HS3ST4: variants seen among roughly 807,000 people sequenced by gnomAD.
The protein encoded by HS3ST4 is heparan sulfate-glucosamine 3-sulfotransferase 4.
Under a neutral mutation model 29.2 loss-of-function variants are expected in HS3ST4, and 17 were observed. The ratio of observed to expected loss-of-function variants is 0.58; its 90% confidence interval spans 0.40 to 0.87. HS3ST4 has a LOEUF of 0.87. HS3ST4 is among the 40% of genes least tolerant of loss of function. The pLI is 0.00. For synonymous variants in HS3ST4, 314 were observed against 285.7 expected (o/e 1.10, Z -1.00); for missense variants, 627 against 634.5 (o/e 0.99, Z 0.13).
chr16:25,839,023 A>G (rs1474642266), intron 1 of HS3ST4, among the ~76,000 whole-genome samples: 1 of 152,212 alleles, frequency 6.6e-6, no homozygotes, highest in African/African-American at 2.4e-5. Context: ...TGAAGTTGTC[A>G]GATAACCATC....
intron 1 of HS3ST4, among the ~76,000 whole-genome samples, chr16:25,874,594 T>A (rs1967809759): frequency 6.6e-6 from 1 of 152,144 alleles, no homozygotes; most frequent in Non-Finnish European, 1.5e-5. Flanking sequence ...CATCAACTCA[T>A]CCAGCTATCC....
chr16:25,709,964 C>G (rs1194212517), intron 1 of HS3ST4, among the ~76,000 whole-genome samples: 3 of 151,948 alleles, frequency 2.0e-5, no homozygotes, highest in African/African-American at 2.4e-5. Flanking sequence ...GTCTTCCTGC[C>G]CGGATTCGCT....
chr16:26,100,418 C>T (rs1031626153), intron 1 of HS3ST4, among the ~76,000 whole-genome samples: 1 of 152,206 alleles, frequency 6.6e-6, no homozygotes, highest in Non-Finnish European at 1.5e-5. Flanking sequence ...TGGGTCAAGT[C>T]TGCACATCCT....
At position 26,137,506 on chromosome 16, in the gene HS3ST4, C is replaced by A. The variant is rs1318546219; in HGVS notation, c.*1258C>A. ...AGTGTCCCTTCCCATCAGTTTGATT[C>A]AATTAAAATGCATCATTTGACATAA... On this transcript the variant is annotated 3_prime_UTR_variant, in exon 2 of 2. Coordinates refer to ENST00000331351, the MANE Select transcript of HS3ST4 (RefSeq NM_006040.3). 6.6e-6 allele frequency: 1 copy of A among 152,102 alleles called. No homozygotes were observed. The highest frequency in any genetic ancestry group is 1.5e-5 in the Non-Finnish European group (1 of 68,010). The allele number at this position is 152,102 out of a possible 1,614,324, so 9.4% of individuals were successfully genotyped here.
chr16:26,089,879 A>C (rs139565331), intron 1 of HS3ST4, among the ~76,000 whole-genome samples: 13 of 152,296 alleles, frequency 8.5e-5, no homozygotes, highest in Non-Finnish European at 1.5e-4. Context: ...TCTGTGCTTG[A>C]ATCTTCTGTA....
At chr16:25,799,403 A>G (rs1370377369) in intron 1 of HS3ST4, among the ~76,000 whole-genome samples, 1 of 152,248 alleles carries the variant, frequency 6.6e-6, no homozygotes, top group Non-Finnish European at 1.5e-5. Flanking sequence ...CCCAAGTAAT[A>G]TATAATCTTC....
intron 1 of HS3ST4, among the ~76,000 whole-genome samples, chr16:25,830,677 T>C (rs192215400): frequency 2.4e-4 from 37 of 152,306 alleles, no homozygotes; most frequent in African/African-American, 7.9e-4. Context: ...GGAGTTAGTC[T>C]TGATTCTTTC....
chr16:25,714,407 C>T (rs186216608), intron 1 of HS3ST4, among the ~76,000 whole-genome samples: 14 of 152,294 alleles, frequency 9.2e-5, no homozygotes, highest in African/African-American at 1.7e-4. Context: ...AGAGTGAACA[C>T]GGCTGCTGAT....
chr16:25,749,666 C>G (rs1966707031), intron 1 of HS3ST4, among the ~76,000 whole-genome samples: 1 of 152,148 alleles, frequency 6.6e-6, no homozygotes, highest in Admixed American at 6.6e-5. Flanking sequence ...CTCAGTTTCC[C>G]ATTTGTAAAA....
intron 1 of HS3ST4, among the ~76,000 whole-genome samples, chr16:25,731,541 A>G (rs909341093): frequency 9.3e-5 from 14 of 150,718 alleles, no homozygotes; most frequent in Non-Finnish European, 1.5e-4. Flanking sequence ...GAGTCTTGCT[A>G]TGTTGCCCAG....
chr16:25,719,763 A>G (rs2141588968), intron 1 of HS3ST4, among the ~76,000 whole-genome samples: 1 of 152,332 alleles, frequency 6.6e-6, no homozygotes, highest in African/African-American at 2.4e-5. Flanking sequence ...CTTCCAGAAG[A>G]CCACAGTATA....
intron 1 of HS3ST4, among the ~76,000 whole-genome samples, chr16:25,722,085 CAG>C (rs1966501237): frequency 6.6e-6 from 1 of 152,176 alleles, no homozygotes; most frequent in South Asian, 2.1e-4. Flanking sequence ...GTAGCCCATT[CAG>C]GAAACTTCCA....
In HS3ST4 at chr16:25,897,989, T is replaced by C. The variant is rs1372230097; in HGVS notation, c.734+204838T>C. Among the ~76,000 whole-genome samples, 4 of 152,292 alleles carry C rather than the reference T, an allele frequency of 2.6e-5. No homozygotes were observed. In the South Asian group the frequency reaches 8.3e-4, roughly 32 times the overall value. ...TTTATGTGTGTGTGCACTGCGTTCATCTGAGTAGATCCGCGCAGGCGAGCC... is the reference window on the plus strand; with the variant it reads ...TTTATGTGTGTGTGCACTGCGTTCACCTGAGTAGATCCGCGCAGGCGAGCC... On this transcript the variant is annotated intron_variant, in intron 1 of 1. Transcript: ENST00000331351.
chr16:25,869,290 A>G (rs1182740564), intron 1 of HS3ST4, among the ~76,000 whole-genome samples: 4 of 151,942 alleles, frequency 2.6e-5, no homozygotes, highest in African/African-American at 4.8e-5. Context: ...TCTGTTAAAT[A>G]ATATCACTTT....
rs1008346676 is a variant in HS3ST4 at position 26,136,060 on chromosome 16, C to T, written c.1183C>T (p.Pro395Ser). 6 of 1,613,818 alleles carry T rather than the reference C, an allele frequency of 3.7e-6. No individual in the cohort carries two copies. The highest frequency in any genetic ancestry group is 5.1e-6 in the Non-Finnish European group (6 of 1,179,824). Residue 395 changes from proline to serine, a missense_variant, in exon 2 of 2, where the codon CCT (proline) becomes TCT (serine). This residue lies in a region of HS3ST4 where 225 missense variants were observed against 293.7 expected (regional missense o/e 0.77). Coordinates refer to ENST00000331351, the MANE Select transcript of HS3ST4 (RefSeq NM_006040.3). ...HFYFNKTKGF[P>S]CLKKPEDSSA... is the part of the protein sequence containing the mutation. The stretch of plus-strand genomic sequence containing the variant: ...CTATTTCAACAAAACCAAGGGGTTC[C>T]CTTGCCTAAAGAAGCCAGAAGACAG...
intron 1 of HS3ST4, among the ~76,000 whole-genome samples, chr16:25,746,506 G>T (rs1451287490): frequency 6.6e-6 from 1 of 151,794 alleles, no homozygotes. Context: ...CAGAAAGAAG[G>T]CGATAAAACT....
chr16:26,046,504 C>A (rs1898269375), intron 1 of HS3ST4, among the ~76,000 whole-genome samples: 2 of 152,056 alleles, frequency 1.3e-5, no homozygotes, highest in African/African-American at 4.8e-5. Flanking sequence ...GTCTGTAGAT[C>A]CATCTTTATT....
Position 26,044,318 on chromosome 16 carries a change from C to T in HS3ST4, c.735-91294C>T, listed in dbSNP as rs145264875. On this transcript the variant is annotated intron_variant, in intron 1 of 1. Coordinates refer to ENST00000331351, the MANE Select transcript of HS3ST4 (RefSeq NM_006040.3). The stretch of plus-strand genomic sequence containing the variant: ...GGAAGAGAGAGGGAGGAGGAAAAGA[C>T]GGAAGCCGTGGAGTTTTCAGCCCCA... Among the ~76,000 whole-genome samples the T allele has an allele frequency of 2.8e-4, 43 of 152,318 alleles. No individual in the cohort carries two copies. The East Asian group carries it at 7.5e-3, about 27-fold the overall frequency.
intron 1 of HS3ST4, among the ~76,000 whole-genome samples, chr16:26,035,292 T>C (rs1175864017): frequency 6.6e-6 from 1 of 152,232 alleles, no homozygotes; most frequent in African/African-American, 2.4e-5. Flanking sequence ...ACTTATATTT[T>C]GTACGTTTTT....
Sources: gnomAD v4.1 joint callset for allele counts (sites outside exome capture counted in the v4.1 genomes callset) on GRCh38, gnomAD v4.1.1 for gene constraint, gnomAD v4.1.1 regional missense constraint, MANE v1.5 for transcripts, NCBI Gene and HGNC (gene_info 2026-07-23, HGNC 2026-07-21) for gene names.